GABBR2: variants seen among roughly 807,000 people sequenced by gnomAD.
GABBR2 encodes G-protein coupled receptor 51.
A neutral mutation model predicts 105.6 loss-of-function variants in GABBR2; 23 were observed. The ratio of observed to expected loss-of-function variants is 0.22; its 90% CI spans 0.16 to 0.31. The LOEUF (loss-of-function observed/expected upper bound fraction) is 0.31, where lower values mean the gene tolerates loss of function less well. Ranked by LOEUF, GABBR2 falls within the 10% of genes least tolerant of loss-of-function variation. The pLI, the probability that GABBR2 is intolerant of heterozygous loss-of-function variation, is 1.00. For missense variants in GABBR2, 734 were observed against 1,245.5 expected, an observed-to-expected ratio of 0.59 and a Z score of 6.18; for synonymous variants, 478 against 499.7, an observed-to-expected ratio of 0.96 and a Z score of 0.58.
At chr9:98,312,786 G>T (rs1221311505) in intron 13 of GABBR2, among the ~76,000 whole-genome samples, 3 of 152,042 alleles carry the variant, frequency 2.0e-5, no homozygotes, top group Non-Finnish European at 4.4e-5. Flanking sequence ...TAGAGTCTCT[G>T]TCACCCAGGC....
intron 1 of GABBR2, among the ~76,000 whole-genome samples, chr9:98,703,992 A>G (rs1454742013): frequency 6.6e-6 from 1 of 152,086 alleles, no homozygotes; most frequent in Non-Finnish European, 1.5e-5. Context: ...TTTTTAGTAC[A>G]TTCACAGAAT....
intron 1 of GABBR2, among the ~76,000 whole-genome samples, chr9:98,617,549 A>G (rs781464698): frequency 1.3e-5 from 2 of 152,214 alleles, no homozygotes; most frequent in Non-Finnish European, 2.9e-5. Flanking sequence ...GCTGTGGACC[A>G]CACAAAAATA....
chr9:98,410,499 G>T (rs567655885), intron 7 of GABBR2, among the ~76,000 whole-genome samples: 106 of 146,690 alleles, frequency 7.2e-4, no homozygotes, highest in Middle Eastern at 3.5e-3. Flanking sequence ...ATGCATGAGG[G>T]AAAAGCTTTT....
intron 3 of GABBR2, among the ~76,000 whole-genome samples, chr9:98,517,747 A>G (rs1827785881): frequency 6.6e-6 from 1 of 152,202 alleles, no homozygotes; most frequent in Non-Finnish European, 1.5e-5. Context: ...CAGATAGGGC[A>G]GCACGTGAGT....
intron 7 of GABBR2, among the ~76,000 whole-genome samples, chr9:98,436,919 T>G (rs977044013): frequency 6.6e-6 from 1 of 152,096 alleles, no homozygotes; most frequent in African/African-American, 2.4e-5. Context: ...AGCATTCAGG[T>G]TGGCACTCAC....
chr9:98,503,896 G>T (rs1424052441), intron 3 of GABBR2, among the ~76,000 whole-genome samples: 1 of 152,118 alleles, frequency 6.6e-6, no homozygotes, highest in Non-Finnish European at 1.5e-5. Flanking sequence ...AGAACCTCTG[G>T]GATAGGACCC....
At chr9:98,328,296 G>A (rs1281049242) in intron 13 of GABBR2, among the ~76,000 whole-genome samples, 1 of 152,082 alleles carries the variant, frequency 6.6e-6, no homozygotes, top group African/African-American at 2.4e-5. Flanking sequence ...AAGGATTGAG[G>A]AAGAATGTCA....
intron 12 of GABBR2, among the ~76,000 whole-genome samples, chr9:98,369,910 C>T (rs977279095): frequency 3.3e-5 from 5 of 152,070 alleles, no homozygotes; most frequent in African/African-American, 9.7e-5. Flanking sequence ...AACGCTTCCT[C>T]CATGACCTCA....
intron 1 of GABBR2, among the ~76,000 whole-genome samples, chr9:98,660,862 T>A (rs1830250035): frequency 6.6e-6 from 1 of 152,238 alleles, no homozygotes; most frequent in Non-Finnish European, 1.5e-5. Flanking sequence ...CCCTTGTGAT[T>A]ACCTGGGGCC....
At chr9:98,707,723 G>A (rs528533332) in intron 1 of GABBR2, among the ~76,000 whole-genome samples, 80 of 152,350 alleles carry the variant, frequency 5.3e-4, no homozygotes, top group Middle Eastern at 3.4e-3. Context: ...CGTCCGGGAC[G>A]AGAACTGCCA....
At chr9:98,596,018 C>T (rs1375332309) in intron 1 of GABBR2, among the ~76,000 whole-genome samples, 1 of 152,224 alleles carries the variant, frequency 6.6e-6, no homozygotes, top group African/African-American at 2.4e-5. Flanking sequence ...GTGAGATGCC[C>T]CTTCCATGGG....
chr9:98,362,792 G>A lies in GABBR2; in HGVS notation c.1816C>T (p.Leu606=). 6.2e-7 allele frequency: 1 copy of A among 1,601,838 alleles called. No individual in the cohort carries two copies. ...KLLVIVGGML[L]IDLCILICWQ... ...CAGATCAGGATACACAGGTCGATCA[G>A]CAGCATGCCCCCCACGATCACAAGC... The change falls in exon 13 of 19, where the codon CTG becomes TTG. Residue 606 remains leucine (L), a synonymous_variant. Transcript: ENST00000259455.
chr9:98,345,701 G>A (rs1831291958), intron 13 of GABBR2, among the ~76,000 whole-genome samples: 1 of 152,180 alleles, frequency 6.6e-6, no homozygotes, highest in Non-Finnish European at 1.5e-5. Flanking sequence ...TATATAGAAA[G>A]TCCCAAAGAA....
At chr9:98,536,804 C>A (rs575575929) in intron 3 of GABBR2, among the ~76,000 whole-genome samples, 12 of 152,316 alleles carry the variant, frequency 7.9e-5, no homozygotes, top group Admixed American at 3.9e-4. Context: ...CTCTCCAACA[C>A]AGACTTCGTG....
chr9:98,449,092 C>T (rs763974764), intron 7 of GABBR2, among the ~76,000 whole-genome samples: 12 of 152,216 alleles, frequency 7.9e-5, no homozygotes, highest in Non-Finnish European at 1.6e-4. Context: ...AGCACACTGA[C>T]GTGTTGAGCG....
At position 98,340,696 on chromosome 9, in the gene GABBR2, C is replaced by T. The variant is rs146280641; in HGVS notation, c.1893+22019G>A. Among the ~76,000 whole-genome samples the T allele has an allele frequency of 9.3e-3, 1,413 of 152,224 alleles. 12 individuals are homozygous for T. Among genetic ancestry groups the T allele is most frequent in the South Asian group, 0.017 (83 of 4,824 alleles). On this transcript the variant is annotated intron_variant, in intron 13 of 18. Transcript: ENST00000259455. ...AGGGAGCATGGCAGACAATGGGTAC[C>T]CCATAAATGCTGAAGGAGCACCCTG... is the stretch of plus-strand genomic sequence containing the variant.
chr9:98,319,214 G>T (rs1830777240), intron 13 of GABBR2, among the ~76,000 whole-genome samples: 1 of 152,148 alleles, frequency 6.6e-6, no homozygotes, highest in Non-Finnish European at 1.5e-5. Context: ...GAGGTGCGGT[G>T]TGACTCGCAA....
At chr9:98,437,423 A>T (rs1388876530) in intron 7 of GABBR2, among the ~76,000 whole-genome samples, 1 of 151,290 alleles carries the variant, frequency 6.6e-6, no homozygotes, top group African/African-American at 2.4e-5. Flanking sequence ...CCATCCATCC[A>T]CCCACCCACC....
chr9:98,300,787 A>G (rs975896905), intron 16 of GABBR2, among the ~76,000 whole-genome samples: 1 of 152,198 alleles, frequency 6.6e-6, no homozygotes, highest in African/African-American at 2.4e-5. Context: ...TCACAGAGAG[A>G]AAGTCTTGCC....
Sources: gnomAD v4.1 joint callset for allele counts (sites outside exome capture counted in the v4.1 genomes callset) on GRCh38, gnomAD v4.1.1 for gene constraint, MANE v1.5 for transcripts, NCBI Gene and HGNC (gene_info 2026-07-23, HGNC 2026-07-21) for gene names.